Variants in DOP1A observed in about 807,000 individuals in gnomAD.
DOP1A encodes the protein protein DOP1A.
Under a neutral mutation model 267.6 loss-of-function variants are expected in DOP1A, and 90 were observed. That is an observed-to-expected ratio of 0.34 (90% confidence interval 0.28 to 0.40). The LOEUF is 0.40. Among genes scored for constraint, DOP1A ranks in the 10% least tolerant of loss-of-function variants. The pLI is 1.00. For synonymous variants in DOP1A, 932 were observed against 999.1 expected (o/e 0.93, Z 1.27); for missense variants, 2,437 against 2,900.4 (o/e 0.84, Z 3.67).
At chr6:83,076,866 C>T (rs1050956495) in intron 1 of DOP1A, among the ~76,000 whole-genome samples, 1 of 152,140 alleles carries the variant, frequency 6.6e-6, no homozygotes, top group Admixed American at 6.5e-5. Flanking sequence ...TAGAAACAAC[C>T]TATGTGTGCA....
chr6:83,129,609 T>C (rs1474139283), intron 16 of DOP1A, 101 bp downstream of exon 16: 2 of 1,170,042 alleles, frequency 1.7e-6, no homozygotes, highest in East Asian at 2.7e-5. Flanking sequence ...AGCCAGTTAC[T>C]TTTTTTAATG....
intron 24 of DOP1A, among the ~76,000 whole-genome samples, chr6:83,144,757 C>T (rs751288543): frequency 9.2e-5 from 14 of 151,810 alleles, no homozygotes; most frequent in Non-Finnish European, 1.8e-4. Flanking sequence ...GTTATTTAGA[C>T]GTAATGGAAA....
At chr6:83,074,499 A>T (rs780589182) in intron 1 of DOP1A, among the ~76,000 whole-genome samples, 7 of 152,078 alleles carry the variant, frequency 4.6e-5, no homozygotes, top group Non-Finnish European at 8.8e-5. Context: ...TCAACTTTAC[A>T]CTCGTGCAAA....
chr6:83,147,843 C>T (rs937333919), intron 26 of DOP1A, among the ~76,000 whole-genome samples: 1 of 152,084 alleles, frequency 6.6e-6, no homozygotes, highest in Non-Finnish European at 1.5e-5. Context: ...AAAATCTGAA[C>T]TTATATACAG....
At chr6:83,120,892 C>A (rs536556096) in intron 10 of DOP1A, 101 bp downstream of exon 10, 4 of 851,856 alleles carry the variant, frequency 4.7e-6, no homozygotes, top group African/African-American at 3.4e-5. Context: ...TTTGAGGTGG[C>A]CTTTAAATAT....
At chr6:83,134,478 T>G (rs772275113) in intron 19 of DOP1A, 191 bp downstream of exon 19, 6 of 491,908 alleles carry the variant, frequency 1.2e-5, no homozygotes, top group African/African-American at 2.0e-5. Context: ...AGGTTTTTAC[T>G]TTCTGGTTTT....
In DOP1A at chr6:83,138,539, G is replaced by A; in HGVS notation, c.4497G>A (p.Glu1499=). The change falls in exon 21 of 39, where the codon GAG becomes GAA. Residue 1499 remains glutamate, a synonymous_variant. Transcript: ENST00000349129. The part of the protein sequence containing the change: ...SIEILTLLFT[E]LAKVIESSAK... ...AAATTCTGACACTACTCTTCACTGA[G>A]CTGGCAAAAGTAATAGAAAGCTCAG... The A allele has an allele frequency of 1.9e-6, 3 of 1,613,802 alleles. No individual in the cohort carries two copies. Among genetic ancestry groups the A allele is most frequent in the African/African-American group, 2.7e-5 (2 of 75,030 alleles).
intron 17 of DOP1A, among the ~76,000 whole-genome samples, chr6:83,131,404 G>A (rs1277268504): frequency 6.6e-6 from 1 of 152,036 alleles, no homozygotes; most frequent in Non-Finnish European, 1.5e-5. Flanking sequence ...TATTAATGCT[G>A]TTACAGATCA....
At chr6:83,150,853 G>C (rs1487387269) in intron 27 of DOP1A, among the ~76,000 whole-genome samples, 2 of 152,018 alleles carry the variant, frequency 1.3e-5, no homozygotes, top group East Asian at 3.9e-4. Flanking sequence ...CAAATAATTA[G>C]TACACAACTC....
chr6:83,122,948 G>A lies in DOP1A; in HGVS notation c.1306G>A (p.Asp436Asn). Residue 436 changes from aspartate (D) to asparagine (N), a missense_variant, in exon 12 of 39, where the codon GAT becomes AAT. By Grantham distance (23) the Asp-to-Asn change is conservative (BLOSUM62 1). Transcript: ENST00000349129. ...FNSFEPYYMW[D>N]YVARWFEECC... Reference sequence around the variant, plus strand: ...TTCCTTCGAACCTTATTATATGTGGGATTATGTTGCACGCTGGTTTGAAGA... The same window carrying A: ...TTCCTTCGAACCTTATTATATGTGGAATTATGTTGCACGCTGGTTTGAAGA... 6.3e-7 allele frequency: 1 copy of A among 1,582,104 alleles called. No homozygotes were observed.
intron 33 of DOP1A, among the ~76,000 whole-genome samples, chr6:83,155,520 A>G (rs1782613878): frequency 6.6e-6 from 1 of 152,082 alleles, no homozygotes; most frequent in South Asian, 2.1e-4. Context: ...TGGTGCACTG[A>G]GAGAATGACA....
rs535914332 is a variant in DOP1A, at chr6:83,072,221, C to G, written c.-147+4442C>G. On this transcript the variant is annotated intron_variant, in intron 1 of 38. Coordinates refer to ENST00000349129, the MANE Select transcript of DOP1A (RefSeq NM_015018.4). ...GCTGGAGTTACTTATAGGCATATAT[C>G]CATATTATGAGCCTAACATTTGCTG... Among the ~76,000 whole-genome samples, 223 of 152,076 alleles carry G rather than the reference C, an allele frequency of 1.5e-3. 1 individual carries two copies. The highest frequency in any genetic ancestry group is 5.2e-3 in the African/African-American group (216 of 41,466).
chr6:83,131,269 A>T (rs1583044490), intron 17 of DOP1A, among the ~76,000 whole-genome samples: 1 of 152,036 alleles, frequency 6.6e-6, no homozygotes, highest in East Asian at 1.9e-4. Context: ...AAAGTTTAAA[A>T]ATCTGATTTC....
At chr6:83,081,173 G>C (rs1026027269) in intron 1 of DOP1A, among the ~76,000 whole-genome samples, 1 of 152,164 alleles carries the variant, frequency 6.6e-6, no homozygotes, top group African/African-American at 2.4e-5. Context: ...CCGGGCTGGG[G>C]TGCAGTGGTG....
At chr6:83,078,031 C>CATAGTGATACCT (rs1222165483) in intron 1 of DOP1A, among the ~76,000 whole-genome samples, 3 of 152,148 alleles carry the variant, frequency 2.0e-5, no homozygotes, top group Non-Finnish European at 2.9e-5. Flanking sequence ...CACTAGGTAT[C>CATAGTGATACCT]ATGCAGAGAC....
chr6:83,139,600 G>C (rs1046930480), intron 21 of DOP1A, among the ~76,000 whole-genome samples: 1 of 152,118 alleles, frequency 6.6e-6, no homozygotes, highest in African/African-American at 2.4e-5. Flanking sequence ...TTCGATCTGA[G>C]TCTCTATGCT....
intron 28 of DOP1A, 102 bp downstream of exon 28, chr6:83,151,761 A>C (rs1781727481): frequency 6.9e-7 from 1 of 1,445,628 alleles, no homozygotes; most frequent in African/African-American, 1.4e-5. Flanking sequence ...TCAACTCTGA[A>C]CATTCTATGG....
Position 83,153,986 on chromosome 6 carries a change from C to G in DOP1A, c.6332C>G (p.Ala2111Gly). 6.2e-7 allele frequency: 1 copy of G among 1,614,046 alleles called. No homozygotes were observed. The highest frequency in any genetic ancestry group is 1.3e-5 in the African/African-American group (1 of 75,018). ...ACACGGAGAGCTTGGAAAAAAGAAG[C>G]TTTTGACCTCTTTATGGATCCCAGT... ...QYTRRAWKKEAFDLFMDPSFF... is the reference protein window; with the variant it reads ...QYTRRAWKKEGFDLFMDPSFF... The change falls in exon 32 of 39, where the codon GCT becomes GGT. Residue 2111 changes from alanine to glycine, a missense_variant. Transcript: ENST00000349129.
Position 83,159,790 on chromosome 6 carries a change from T to G in DOP1A, c.6798-6T>G. The stretch of plus-strand genomic sequence containing the variant: ...AGCTGCTGACAGCACTGTCTCCTGC[T>G]TACAGGACTTCAGGGCCCTCTGTGG... On this transcript the variant is annotated splice_polypyrimidine_tract_variant and splice_region_variant and intron_variant, in intron 36 of 38. Coordinates refer to ENST00000349129, the MANE Select transcript of DOP1A (RefSeq NM_015018.4). 6.2e-7 allele frequency: 1 copy of G among 1,614,110 alleles called. No individual in the cohort carries two copies. The highest frequency in any genetic ancestry group is 8.5e-7 in the Non-Finnish European group (1 of 1,179,986).
Sources: allele counts gnomAD v4.1 joint callset (sites outside exome capture counted in the v4.1 genomes callset), GRCh38; gene constraint gnomAD v4.1.1; transcripts MANE v1.5; gene names NCBI Gene and HGNC (gene_info 2026-07-23, HGNC 2026-07-21).